Variants in RBFOX1 observed in about 807,000 individuals in gnomAD.
The protein encoded by RBFOX1 is RNA binding protein fox-1 homolog 1.
Under a neutral mutation model 57.7 loss-of-function variants are expected in RBFOX1, and 8 were observed. The observed-to-expected ratio is 0.14, with a 90% CI of 0.08 to 0.25. The LOEUF (loss-of-function observed/expected upper bound fraction) is 0.25, where lower values mean the gene tolerates loss of function less well. RBFOX1 is among the 10% of genes least tolerant of loss of function. The pLI is 1.00. For synonymous variants in RBFOX1, 326 were observed against 222.4 expected, an observed-to-expected ratio of 1.47 and a Z score of -4.15; for missense variants, 611 against 548.5, an observed-to-expected ratio of 1.11 and a Z score of -1.14.
At chr16:7,100,500 A>G (rs2062492444) in intron 4 of RBFOX1, among the ~76,000 whole-genome samples, 1 of 152,026 alleles carries the variant, frequency 6.6e-6, no homozygotes, top group Non-Finnish European at 1.5e-5. Flanking sequence ...ATTTTCATAC[A>G]AATTATCTCA....
At chr16:5,492,742 C>A (rs2042874388) in intron 2 of RBFOX1, among the ~76,000 whole-genome samples, 1 of 152,230 alleles carries the variant, frequency 6.6e-6, no homozygotes, top group Non-Finnish European at 1.5e-5. Flanking sequence ...CAGAATAGTT[C>A]ATCATTACCA....
At chr16:6,933,947 G>T (rs993096908) in intron 3 of RBFOX1, among the ~76,000 whole-genome samples, 1 of 152,164 alleles carries the variant, frequency 6.6e-6, no homozygotes, top group East Asian at 1.9e-4. Context: ...ACATGGTATT[G>T]AAAAATCAAA....
intron 3 of RBFOX1, among the ~76,000 whole-genome samples, chr16:6,901,277 T>A (rs1287607620): frequency 6.6e-6 from 1 of 152,178 alleles, no homozygotes; most frequent in Non-Finnish European, 1.5e-5. Context: ...ATCTCTTCTG[T>A]CTAAGCCCAT....
chr16:7,004,947 C>T (rs143199191), intron 3 of RBFOX1, among the ~76,000 whole-genome samples: 7 of 152,108 alleles, frequency 4.6e-5, no homozygotes, highest in Non-Finnish European at 8.8e-5. Context: ...AGTTCGAGAC[C>T]AGCTTGGCCA....
chr16:6,675,532 C>T (rs2057487606), intron 3 of RBFOX1, among the ~76,000 whole-genome samples: 1 of 152,134 alleles, frequency 6.6e-6, no homozygotes, highest in African/African-American at 2.4e-5. Context: ...CAGGCCCTGC[C>T]ACAGTAGGCA....
chr16:6,168,883 C>A (rs9930197), intron 1 of RBFOX1, among the ~76,000 whole-genome samples: 20,185 of 151,282 alleles, frequency 0.13, 1,527 homozygotes, highest in Middle Eastern at 0.19. Context: ...TGATGTTTTT[C>A]GTCCAGGGAA....
At chr16:6,219,044 T>G (rs1328916845) in intron 1 of RBFOX1, among the ~76,000 whole-genome samples, 1 of 152,126 alleles carries the variant, frequency 6.6e-6, no homozygotes, top group Non-Finnish European at 1.5e-5. Context: ...GTGGAACAGG[T>G]ACATATTTAT....
At chr16:6,574,813 C>T (rs1304038500) in intron 2 of RBFOX1, among the ~76,000 whole-genome samples, 1 of 148,768 alleles carries the variant, frequency 6.7e-6, no homozygotes, top group African/African-American at 2.5e-5. Context: ...CCAAAGTGGG[C>T]GGATCACGAG....
At chr16:6,347,968 A>G (rs2085661643) in intron 2 of RBFOX1, among the ~76,000 whole-genome samples, 4 of 152,190 alleles carry the variant, frequency 2.6e-5, no homozygotes, top group Admixed American at 2.6e-4. Context: ...TCCTGAATAC[A>G]AGAAAGCAGG....
At chr16:6,769,926 G>C (rs949780406) in intron 3 of RBFOX1, among the ~76,000 whole-genome samples, 2 of 152,136 alleles carry the variant, frequency 1.3e-5, no homozygotes, top group African/African-American at 4.8e-5. Flanking sequence ...TTGTTTAGAG[G>C]GGGATTTCGT....
intron 3 of RBFOX1, among the ~76,000 whole-genome samples, chr16:5,798,703 A>G (rs13331048): frequency 0.036 from 5,482 of 152,294 alleles, 318 homozygotes; most frequent in African/African-American, 0.12. Context: ...ACTTTTTAAA[A>G]CATTTGCTAC....
intron 5 of RBFOX1, among the ~76,000 whole-genome samples, chr16:7,562,911 T>C (rs1222100123): frequency 6.6e-6 from 1 of 152,192 alleles, no homozygotes; most frequent in Non-Finnish European, 1.5e-5. Context: ...AGCTTTAAAG[T>C]GGACTGGCCT....
chr16:5,770,804 A>G (rs879645334), intron 3 of RBFOX1, among the ~76,000 whole-genome samples: 1 of 152,226 alleles, frequency 6.6e-6, no homozygotes, highest in African/African-American at 2.4e-5. Context: ...AAAATAGCAC[A>G]CAGCTTTTAG....
At chr16:5,904,610 A>G (rs1436261775) in intron 4 of RBFOX1, among the ~76,000 whole-genome samples, 1 of 151,942 alleles carries the variant, frequency 6.6e-6, no homozygotes, top group African/African-American at 2.4e-5. Context: ...TCCCCCTTGA[A>G]AAGACTTCTA....
chr16:6,668,602 G>A (rs1448763540), intron 3 of RBFOX1, among the ~76,000 whole-genome samples: 1 of 152,156 alleles, frequency 6.6e-6, no homozygotes, highest in Admixed American at 6.5e-5. Flanking sequence ...AGCCTTCTCT[G>A]TTGATTACAT....
intron 4 of RBFOX1, among the ~76,000 whole-genome samples, chr16:7,127,579 T>C (rs993249941): frequency 3.3e-5 from 5 of 152,166 alleles, no homozygotes; most frequent in Admixed American, 3.3e-4. Flanking sequence ...GTGGGGAATG[T>C]GTACATTCTG....
At chr16:7,058,934 C>T (rs1304320786) in intron 4 of RBFOX1, among the ~76,000 whole-genome samples, 7 of 152,140 alleles carry the variant, frequency 4.6e-5, no homozygotes, top group African/African-American at 1.4e-4. Context: ...ATGCAAATGA[C>T]TGAGTTTTTT....
intron 1 of RBFOX1, among the ~76,000 whole-genome samples, chr16:5,248,051 A>G (rs2062347468): frequency 6.6e-6 from 1 of 152,236 alleles, no homozygotes; most frequent in African/African-American, 2.4e-5. Context: ...ACATTTTCCT[A>G]AGATGGGTCT....
intron 3 of RBFOX1, among the ~76,000 whole-genome samples, chr16:5,768,936 G>GA (rs887106603): frequency 2.2e-4 from 33 of 150,414 alleles, no homozygotes; most frequent in East Asian, 3.9e-4. Context: ...ATTATCAGAT[G>GA]AAAAAAAAAT....
Sources: allele counts gnomAD v4.1 joint callset (sites outside exome capture counted in the v4.1 genomes callset), GRCh38; gene constraint gnomAD v4.1.1; transcripts MANE v1.5; gene names NCBI Gene and HGNC (gene_info 2026-07-23, HGNC 2026-07-21).